Variants in AK5 observed in about 807,000 individuals in gnomAD.
AK5 encodes adenylate kinase isoenzyme 5.
Under a neutral mutation model 69.5 loss-of-function variants are expected in AK5, and 27 were observed. The ratio of observed to expected loss-of-function variants is 0.39; its 90% CI spans 0.29 to 0.54. The LOEUF is 0.54. Among genes scored for constraint, AK5 ranks in the 20% least tolerant of loss-of-function variants. The probability of loss-of-function intolerance (pLI) is 0.71; values close to 1 mark genes in which losing one functional copy is unlikely to be tolerated. For synonymous variants in AK5, 260 were observed against 244.4 expected, an observed-to-expected ratio of 1.06 and a Z score of -0.60; for missense variants, 531 against 700.4, an observed-to-expected ratio of 0.76 and a Z score of 2.73.
intron 6 of AK5, among the ~76,000 whole-genome samples, chr1:77,363,865 A>G (rs972567430): frequency 1.3e-5 from 2 of 151,982 alleles, no homozygotes; most frequent in Non-Finnish European, 2.9e-5. Context: ...TACCTGCTTT[A>G]TTTTTCTCCA....
Position 77,558,660 on chromosome 1 carries a change from C to CTGT in AK5, c.1680_1681insGTT (p.Ser560_Ile561insVal), listed in dbSNP as rs79671213. The CTGT allele has an allele frequency of 5.0e-6, 8 of 1,592,460 alleles. No homozygotes were observed. The South Asian group carries it at 8.8e-5, about 18-fold the overall frequency. ...CTTCAACTCTGCACAGCTATTGACT[C>CTGT]TATTTTCTGAAGGCAAAAATGCATG... On this transcript the variant is annotated inframe_insertion, in exon 14 of 14. Coordinates refer to ENST00000354567, the MANE Select transcript of AK5 (RefSeq NM_174858.3).
intron 6 of AK5, among the ~76,000 whole-genome samples, chr1:77,387,252 T>C (rs1648097682): frequency 6.6e-6 from 1 of 152,188 alleles, no homozygotes; most frequent in East Asian, 1.9e-4. Context: ...TAAGCAATTA[T>C]AGCAACCTTT....
At chr1:77,288,104 G>T (rs914027540) in intron 2 of AK5, among the ~76,000 whole-genome samples, 2 of 152,166 alleles carry the variant, frequency 1.3e-5, no homozygotes, top group Admixed American at 1.3e-4. Context: ...CTAGGCATTT[G>T]GGTGCTATAA....
chr1:77,318,798 C>T (rs141522908), intron 5 of AK5, among the ~76,000 whole-genome samples: 1 of 151,944 alleles, frequency 6.6e-6, no homozygotes, highest in Admixed American at 6.6e-5. Flanking sequence ...TTTCTGTCTA[C>T]TCTCCACTTC....
At chr1:77,515,321 A>T (rs1206474472) in intron 10 of AK5, among the ~76,000 whole-genome samples, 1 of 152,166 alleles carries the variant, frequency 6.6e-6, no homozygotes, top group African/African-American at 2.4e-5. Context: ...TCTATTAGAA[A>T]GGGTCAACAA....
chr1:77,512,049 C>T (rs904542348), intron 10 of AK5, among the ~76,000 whole-genome samples: 1 of 152,140 alleles, frequency 6.6e-6, no homozygotes, highest in Non-Finnish European at 1.5e-5. Context: ...GTCATTGGTG[C>T]TGAGGAGGCT....
intron 7 of AK5, among the ~76,000 whole-genome samples, chr1:77,414,164 C>T (rs1650239206): frequency 6.6e-6 from 1 of 152,150 alleles, no homozygotes; most frequent in South Asian, 2.1e-4. Context: ...ACACATGTAC[C>T]TTCTAAGTTT....
chr1:77,373,523 C>T (rs1364486411), intron 6 of AK5, among the ~76,000 whole-genome samples: 1 of 152,002 alleles, frequency 6.6e-6, no homozygotes, highest in Non-Finnish European at 1.5e-5. Context: ...GGTCAGGAGT[C>T]GAGACCAGCC....
intron 5 of AK5, among the ~76,000 whole-genome samples, chr1:77,305,612 T>G (rs556975098): frequency 6.6e-6 from 1 of 152,334 alleles, no homozygotes; most frequent in African/African-American, 2.4e-5. Flanking sequence ...CTTTTCCCAA[T>G]GGATGTTCTT....
intron 6 of AK5, among the ~76,000 whole-genome samples, chr1:77,367,910 A>ATATATAT (rs1557534685): frequency 5.5e-5 from 2 of 36,208 alleles, no homozygotes; most frequent in African/African-American, 1.7e-4. Flanking sequence ...ATTATATATA[A>ATATATAT]AATATATGTG....
intron 10 of AK5, among the ~76,000 whole-genome samples, chr1:77,517,580 C>T (rs1557649434): frequency 6.6e-6 from 1 of 151,978 alleles, no homozygotes; most frequent in East Asian, 1.9e-4. Flanking sequence ...AGAATAATGG[C>T]TGGTACAGTA....
intron 13 of AK5, among the ~76,000 whole-genome samples, chr1:77,537,797 C>G (rs1659051423): frequency 6.6e-6 from 1 of 152,206 alleles, no homozygotes; most frequent in Non-Finnish European, 1.5e-5. Flanking sequence ...CTGAAAGATG[C>G]CTCTGCATTT....
intron 6 of AK5, among the ~76,000 whole-genome samples, chr1:77,377,228 A>C (rs2100493221): frequency 6.6e-6 from 1 of 152,300 alleles, no homozygotes; most frequent in African/African-American, 2.4e-5. Context: ...CTTGGGTGTC[A>C]CACAACCAAC....
At chr1:77,452,603 G>A (rs566100408) in intron 8 of AK5, among the ~76,000 whole-genome samples, 10 of 152,230 alleles carry the variant, frequency 6.6e-5, no homozygotes, top group East Asian at 1.9e-4. Context: ...TCACCTATGC[G>A]GCCAGGCTAG....
chr1:77,365,411 G>A (rs1281160485), intron 6 of AK5, among the ~76,000 whole-genome samples: 2 of 152,152 alleles, frequency 1.3e-5, no homozygotes, highest in East Asian at 3.8e-4. Flanking sequence ...CCTGGGTTTG[G>A]GCAATGTTAT....
At chr1:77,364,574 T>C (rs1218373668) in intron 6 of AK5, among the ~76,000 whole-genome samples, 2 of 152,176 alleles carry the variant, frequency 1.3e-5, no homozygotes, top group Non-Finnish European at 2.9e-5. Context: ...TTTTTACTTT[T>C]GTGAGATCAA....
intron 10 of AK5, among the ~76,000 whole-genome samples, chr1:77,508,584 A>G (rs948680429): frequency 3.9e-5 from 6 of 152,184 alleles, no homozygotes; most frequent in Non-Finnish European, 8.8e-5. Context: ...AGTTTGGGGC[A>G]GGCTGGGCAC....
chr1:77,520,673 C>T (rs1557651309), intron 11 of AK5, among the ~76,000 whole-genome samples: 1 of 152,200 alleles, frequency 6.6e-6, no homozygotes, highest in Non-Finnish European at 1.5e-5. Flanking sequence ...CCCTGACCAC[C>T]CTATAGAAAG....
At chr1:77,395,321 T>C (rs886906529) in intron 6 of AK5, among the ~76,000 whole-genome samples, 2 of 152,224 alleles carry the variant, frequency 1.3e-5, no homozygotes, top group Non-Finnish European at 2.9e-5. Context: ...ATTTTGTTTT[T>C]CACAGGCTTA....
Sources: allele counts gnomAD v4.1 joint callset (sites outside exome capture counted in the v4.1 genomes callset), GRCh38; gene constraint gnomAD v4.1.1; transcripts MANE v1.5; gene names NCBI Gene and HGNC (gene_info 2026-07-23, HGNC 2026-07-21).